The following SPECC1 variants were observed in gnomAD, a reference collection of about 807,000 sequenced individuals.
The protein encoded by SPECC1 is sperm antigen with calponin homology and coiled-coil domains 1, also known as cytospin-B.
In SPECC1, 62 loss-of-function variants were observed where a neutral mutation model predicts 104.1. That is an observed-to-expected ratio of 0.60 (90% CI 0.49 to 0.74). The LOEUF is 0.74. Among genes scored for constraint, SPECC1 ranks in the 30% least tolerant of loss-of-function variants. SPECC1 has a pLI of 0.00. For missense variants in SPECC1, 1,306 were observed against 1,310.5 expected (o/e 1.00, Z 0.05); for synonymous variants, 513 against 501.6 (o/e 1.02, Z -0.30).
At chr17:20,232,514 T>C in intron 7 of SPECC1, 109 bp downstream of exon 7, 3 of 1,258,638 alleles carry the variant, frequency 2.4e-6, no homozygotes, top group Non-Finnish European at 3.3e-6. Flanking sequence ...CTATTTCCTT[T>C]CTGAGATCAC....
In SPECC1 at chr17:20,314,020, T is replaced by C. The variant is rs747839700; in HGVS notation, c.3162T>C (p.Ser1054=). 1.9e-6 allele frequency: 3 copies of C among 1,613,976 alleles called. No homozygotes were observed. ...MLYTDRPDWQ[S]VMQYVAQIYK... ...ACACAGACCGGCCCGACTGGCAGAGTGTGATGCAGTACGTGGCCCAAATCT... is the reference window on the plus strand; with the variant it reads ...ACACAGACCGGCCCGACTGGCAGAGCGTGATGCAGTACGTGGCCCAAATCT... Residue 1054 remains serine (S), a synonymous_variant, in exon 15 of 15, where the codon AGT becomes AGC. Coordinates refer to ENST00000395527, the MANE Select transcript of SPECC1 (RefSeq NM_001243439.2).
At position 20,314,463 on chromosome 17, in the gene SPECC1, C is replaced by T. The variant is rs1332306378; in HGVS notation, c.*398C>T. Reference sequence around the variant, plus strand: ...TTGGTTGCTGTTGTTAAAAATATCCCGGCTTTGCCTTTATGAAACCTTTGC... The same window carrying T: ...TTGGTTGCTGTTGTTAAAAATATCCTGGCTTTGCCTTTATGAAACCTTTGC... On this transcript the variant is annotated 3_prime_UTR_variant, in exon 15 of 15. Transcript: ENST00000395527. The T allele has an allele frequency of 1.6e-4, 49 of 307,918 alleles. No individual in the cohort carries two copies. The highest frequency in any genetic ancestry group is 9.7e-4 in the Middle Eastern group (1 of 1,026). 19.1% of individuals were successfully genotyped at this position (307,918 alleles called of 1,614,324 possible). A position where few individuals can be genotyped will look rare whatever the true frequency, so the allele number is the denominator to read the frequency against.
At chr17:20,296,236 T>C (rs2041346113) in intron 12 of SPECC1, among the ~76,000 whole-genome samples, 1 of 152,234 alleles carries the variant, frequency 6.6e-6, no homozygotes, top group African/African-American at 2.4e-5. Flanking sequence ...GCTTTCTACA[T>C]ATGGCTAGCC....
chr17:20,239,878 GTTTTTTTTTTTTTTTTTT>G (rs60216339), intron 7 of SPECC1, among the ~76,000 whole-genome samples: 11 of 36,912 alleles, frequency 3.0e-4, no homozygotes, highest in Admixed American at 5.1e-4. Flanking sequence ...ATTTCGCTGA[GTTTTTTTTTTTTTTTTTT>G]TTTTTTTTTT....
chr17:20,038,586 G>C (rs1318253114), intron 1 of SPECC1, among the ~76,000 whole-genome samples: 1 of 151,960 alleles, frequency 6.6e-6, no homozygotes, highest in Non-Finnish European at 1.5e-5. Flanking sequence ...TTTTTTAGTT[G>C]AGACGGGGTT....
At chr17:20,196,976 A>T (rs2036080336) in intron 3 of SPECC1, among the ~76,000 whole-genome samples, 1 of 152,206 alleles carries the variant, frequency 6.6e-6, no homozygotes, top group African/African-American at 2.4e-5. Context: ...AAAATATTTG[A>T]TTTAAGCACT....
intron 3 of SPECC1, among the ~76,000 whole-genome samples, chr17:20,161,036 C>A (rs2033093410): frequency 6.6e-6 from 1 of 152,100 alleles, no homozygotes; most frequent in Non-Finnish European, 1.5e-5. Context: ...CATGGTGAAA[C>A]CCCGTCTCTA....
intron 1 of SPECC1, among the ~76,000 whole-genome samples, chr17:20,038,789 A>G (rs1237850426): frequency 2.0e-5 from 3 of 152,192 alleles, no homozygotes; most frequent in African/African-American, 7.2e-5. Context: ...AATATCTTTG[A>G]CCCACGGATG....
chr17:20,238,500 T>C, intron 7 of SPECC1: 1 of 1,042,150 alleles, frequency 9.6e-7, no homozygotes, highest in South Asian at 4.6e-5. Flanking sequence ...CAAAAGTTAC[T>C]GTCTAATAAA....
chr17:20,167,239 G>C (rs2033733653), intron 3 of SPECC1, among the ~76,000 whole-genome samples: 1 of 148,532 alleles, frequency 6.7e-6, no homozygotes, highest in South Asian at 2.1e-4. Flanking sequence ...ATATAATCAG[G>C]AATGTTGGAT....
intron 2 of SPECC1, among the ~76,000 whole-genome samples, chr17:20,108,707 C>T (rs1477188498): frequency 6.6e-6 from 1 of 152,156 alleles, no homozygotes; most frequent in Non-Finnish European, 1.5e-5. Context: ...TTTATCCTCT[C>T]TGTTGAAGGA....
chr17:20,137,427 T>C (rs2030133503), intron 3 of SPECC1, among the ~76,000 whole-genome samples: 1 of 152,212 alleles, frequency 6.6e-6, no homozygotes, highest in Non-Finnish European at 1.5e-5. Context: ...GCAAATGAAA[T>C]GACACATCTG....
At chr17:20,238,052 G>A in intron 7 of SPECC1, 1 of 1,022,810 alleles carries the variant, frequency 9.8e-7, no homozygotes, top group African/African-American at 1.7e-5. Context: ...CCTTCTGTGG[G>A]GTCTTGATTG....
chr17:20,129,196 T>G (rs1341763900), intron 3 of SPECC1, among the ~76,000 whole-genome samples: 1 of 150,422 alleles, frequency 6.6e-6, no homozygotes, highest in East Asian at 2.0e-4. Context: ...TTTTTGTTTT[T>G]TTTTTTTGAG....
At position 20,316,885 on chromosome 17, in the gene SPECC1, G is replaced by T. The variant is rs34783305; in HGVS notation, c.*2820G>T. On this transcript the variant is annotated 3_prime_UTR_variant, in exon 15 of 15. Coordinates refer to ENST00000395527, the MANE Select transcript of SPECC1 (RefSeq NM_001243439.2). ...GGCGTTGCGGTGTCCCTCCCTCCCC[G>T]CTGGGGCCATACCAGCCCCTCTCCA... is the stretch of plus-strand genomic sequence containing the variant. 4.7e-6 allele frequency: 1 copy of T among 212,336 alleles called. No individual in the cohort carries two copies. Among genetic ancestry groups the T allele is most frequent in the Admixed American group, 5.9e-5 (1 of 16,976 alleles). 13.2% of individuals were successfully genotyped at this position (212,336 alleles called of 1,614,324 possible).
chr17:20,287,748 C>T (rs200052081), intron 12 of SPECC1, among the ~76,000 whole-genome samples: 2 of 146,484 alleles, frequency 1.4e-5, no homozygotes, highest in Admixed American at 1.4e-4. Context: ...GTACACATAG[C>T]TTTTTTTTTT....
chr17:20,105,339 C>T lies in SPECC1; in HGVS notation c.148-5088C>T, dbSNP rs539456034. Reference sequence around the variant, plus strand: ...TGGACTCCTGACCTCAAGTGATTGTCTTGCCTTGGCCTTCAAATGTTTTCT... The same window carrying T: ...TGGACTCCTGACCTCAAGTGATTGTTTTGCCTTGGCCTTCAAATGTTTTCT... On this transcript the variant is annotated intron_variant, in intron 2 of 14. Transcript: ENST00000395527. Among the ~76,000 whole-genome samples, 41 of 152,334 alleles carry T rather than the reference C, an allele frequency of 2.7e-4. No homozygotes were observed. In the South Asian group the frequency reaches 8.3e-3, roughly 31 times the overall value.
intron 3 of SPECC1, among the ~76,000 whole-genome samples, chr17:20,174,508 G>A (rs562768134): frequency 1.3e-5 from 2 of 152,156 alleles, no homozygotes; most frequent in Admixed American, 1.3e-4. Flanking sequence ...AAGCTAAGAT[G>A]GATGCAGCTG....
chr17:20,060,873 A>G (rs1288776898), intron 1 of SPECC1, among the ~76,000 whole-genome samples: 3 of 152,232 alleles, frequency 2.0e-5, no homozygotes, highest in Non-Finnish European at 4.4e-5. Flanking sequence ...CACGTACATA[A>G]ACACCAGTGC....
Sources: allele counts gnomAD v4.1 joint callset (sites outside exome capture counted in the v4.1 genomes callset), GRCh38; gene constraint gnomAD v4.1.1; transcripts MANE v1.5; gene names NCBI Gene and HGNC (gene_info 2026-07-23, HGNC 2026-07-21).